SEPTIN2: variants seen among roughly 807,000 people sequenced by gnomAD.
SEPTIN2 encodes the protein septin-2.
Under a neutral mutation model 46.5 loss-of-function variants are expected in SEPTIN2, and 34 were observed. The observed-to-expected ratio is 0.73, with a 90% CI of 0.56 to 0.97. The LOEUF (loss-of-function observed/expected upper bound fraction) is 0.97, where lower values mean the gene tolerates loss of function less well. Among genes scored for constraint, SEPTIN2 ranks in the 50% least tolerant of loss-of-function variants. SEPTIN2 has a pLI of 0.00. For synonymous variants in SEPTIN2, 175 were observed against 153.4 expected, an observed-to-expected ratio of 1.14 and a Z score of -1.04; for missense variants, 347 against 448.4, an observed-to-expected ratio of 0.77 and a Z score of 2.04.
chr2:241,325,926 A>G, intron 2 of SEPTIN2, 67 bp from the exon 3 acceptor site: 1 of 1,459,832 alleles, frequency 6.9e-7, no homozygotes, highest in Non-Finnish European at 9.3e-7. Context: ...TTCATGTCTA[A>G]CTGATTATAT....
At chr2:241,338,636 ATATAATAT>A (rs1399085522) in intron 7 of SEPTIN2, among the ~76,000 whole-genome samples, 4 of 130,496 alleles carry the variant, frequency 3.1e-5, no homozygotes, top group African/African-American at 1.2e-4. Context: ...TAATAAATAT[ATATAATAT>A]ATATTACATA....
intron 7 of SEPTIN2, 83 bp from the exon 8 acceptor site, chr2:241,342,909 T>C: frequency 1.4e-6 from 1 of 697,042 alleles, no homozygotes; most frequent in Non-Finnish European, 2.5e-6. Context: ...ATTTCCAATA[T>C]ATTTCTTACA....
At chr2:241,317,245 G>A (rs1166069865) in intron 1 of SEPTIN2, among the ~76,000 whole-genome samples, 5 of 152,182 alleles carry the variant, frequency 3.3e-5, no homozygotes, top group Non-Finnish European at 7.3e-5. Context: ...AACTCATGAT[G>A]TGTACTGTTA....
chr2:241,346,442 A>AG, intron 10 of SEPTIN2, 193 bp downstream of exon 10: 1 of 411,886 alleles, frequency 2.4e-6, no homozygotes. Context: ...AAGTACATTT[A>AG]ATGATATGCA....
chr2:241,339,886 C>T (rs998377298), intron 7 of SEPTIN2, among the ~76,000 whole-genome samples: 6 of 152,168 alleles, frequency 3.9e-5, no homozygotes, highest in African/African-American at 1.4e-4. Flanking sequence ...CTTCTCCTGA[C>T]CCCTGACCCC....
At chr2:241,330,869 C>T (rs2078875591) in intron 3 of SEPTIN2, among the ~76,000 whole-genome samples, 1 of 152,182 alleles carries the variant, frequency 6.6e-6, no homozygotes, top group South Asian at 2.1e-4. Flanking sequence ...ATCCAGGACC[C>T]ACTAAAGATA....
In SEPTIN2 at chr2:241,349,371, TA is replaced by T. The variant is rs569301265; in HGVS notation, c.985-689del. The stretch of plus-strand genomic sequence containing the variant: ...GTGAAAGAGCAAGATCCCATCCCTT[TA>T]AAAAAAAAAAAATATATATATATGT... On this transcript the variant is annotated intron_variant, in intron 11 of 12. Coordinates refer to ENST00000391971, the MANE Select transcript of SEPTIN2 (RefSeq NM_004404.5). Among the ~76,000 whole-genome samples, 252 of 117,240 alleles carry T rather than the reference TA, an allele frequency of 2.1e-3. 2 individuals carry two copies. Among genetic ancestry groups the T allele is most frequent in the African/African-American group, 5.0e-3 (177 of 35,590 alleles). 76.9% of individuals were successfully genotyped at this position (117,240 alleles called of 152,430 possible).
intron 1 of SEPTIN2, among the ~76,000 whole-genome samples, chr2:241,323,454 C>T (rs925836405): frequency 2.6e-5 from 4 of 152,110 alleles, no homozygotes; most frequent in Admixed American, 2.0e-4. Flanking sequence ...GATGGGGTTT[C>T]ACCATGTTGG....
chr2:241,349,598 G>A (rs1482208366), intron 11 of SEPTIN2, among the ~76,000 whole-genome samples: 1 of 151,986 alleles, frequency 6.6e-6, no homozygotes, highest in East Asian at 1.9e-4. Context: ...GGAGGCGGGT[G>A]GATCACGAGG....
chr2:241,344,735 C>T (rs1247693892), intron 9 of SEPTIN2, among the ~76,000 whole-genome samples: 4 of 151,782 alleles, frequency 2.6e-5, no homozygotes, highest in Admixed American at 1.3e-4. Flanking sequence ...ATAAATTTCA[C>T]ATATTGTAAC....
intron 2 of SEPTIN2, 165 bp downstream of exon 2, chr2:241,324,406 G>A: frequency 2.1e-6 from 1 of 483,252 alleles, no homozygotes; most frequent in Non-Finnish European, 3.6e-6. Context: ...TTTTTTTTTT[G>A]AGACGGGAGT....
chr2:241,330,411 G>A (rs1248361273), intron 3 of SEPTIN2, among the ~76,000 whole-genome samples: 1 of 152,240 alleles, frequency 6.6e-6, no homozygotes, highest in Non-Finnish European at 1.5e-5. Flanking sequence ...TGTGCAAGTG[G>A]ACATCAGGAG....
Position 241,342,460 on chromosome 2 carries a change from T to C in SEPTIN2, c.595-532T>C, listed in dbSNP as rs1286923626. Among the ~76,000 whole-genome samples, 4 of 152,052 alleles carry C rather than the reference T, an allele frequency of 2.6e-5. No homozygotes were observed. In the East Asian group the frequency reaches 7.7e-4, roughly 29 times the overall value. Reference sequence around the variant, plus strand: ...TACATTGAGGGTAGTGGTGCATTATTGCTAATGTTATTTTTATTCTGTACA... The same window carrying C: ...TACATTGAGGGTAGTGGTGCATTATCGCTAATGTTATTTTTATTCTGTACA... On this transcript the variant is annotated intron_variant, in intron 7 of 12. Coordinates refer to ENST00000391971, the MANE Select transcript of SEPTIN2 (RefSeq NM_004404.5).
intron 3 of SEPTIN2, among the ~76,000 whole-genome samples, chr2:241,327,422 A>G (rs937493758): frequency 1.3e-5 from 2 of 152,018 alleles, no homozygotes; most frequent in Admixed American, 6.6e-5. Context: ...TGGAAAAAAA[A>G]AAGAAATTGA....
chr2:241,322,017 C>T (rs566146135), intron 1 of SEPTIN2, among the ~76,000 whole-genome samples: 1 of 152,278 alleles, frequency 6.6e-6, no homozygotes, highest in African/African-American at 2.4e-5. Flanking sequence ...CTTACTGCTA[C>T]TATCCCTTGG....
At chr2:241,318,658 A>C (rs1318295708) in intron 1 of SEPTIN2, among the ~76,000 whole-genome samples, 2 of 150,604 alleles carry the variant, frequency 1.3e-5, no homozygotes, top group Non-Finnish European at 3.0e-5. Flanking sequence ...ACCTTACTAA[A>C]TTATCGTATT....
chr2:241,331,270 A>G (rs1453755941), intron 3 of SEPTIN2, among the ~76,000 whole-genome samples: 1 of 152,256 alleles, frequency 6.6e-6, no homozygotes. Flanking sequence ...GTTCAGAGAT[A>G]AATTTAACAA....
chr2:241,337,633 AT>A (rs760179855), intron 6 of SEPTIN2, 39 bp from the exon 7 acceptor site: 35 of 1,584,808 alleles, frequency 2.2e-5, no homozygotes, highest in African/African-American at 1.4e-4. Context: ...TTTTGTATGT[AT>A]TTTTTTTAAA....
At chr2:241,336,350 C>T in intron 5 of SEPTIN2, 1 of 443,098 alleles carries the variant, frequency 2.3e-6, no homozygotes, top group Non-Finnish European at 4.0e-6. Flanking sequence ...AATGAAACAC[C>T]TGGATTTGAG....
Sources: gnomAD v4.1 joint callset for allele counts (sites outside exome capture counted in the v4.1 genomes callset) on GRCh38, gnomAD v4.1.1 for gene constraint, MANE v1.5 for transcripts, NCBI Gene and HGNC (gene_info 2026-07-23, HGNC 2026-07-21) for gene names.